The following EML1 variants were observed in gnomAD, a reference collection of about 807,000 sequenced individuals.
EML1 encodes echinoderm microtubule-associated protein-like 1.
A neutral mutation model predicts 110.4 loss-of-function variants in EML1; 27 were observed. The observed-to-expected ratio is 0.24, with a 90% CI of 0.18 to 0.34. The LOEUF (loss-of-function observed/expected upper bound fraction) is 0.34. Ranked by LOEUF, EML1 falls within the 10% of genes least tolerant of loss-of-function variation. The pLI is 1.00. For missense variants in EML1, 741 were observed against 1,030.9 expected, an observed-to-expected ratio of 0.72 and a Z score of 3.85; for synonymous variants, 344 against 385.8, an observed-to-expected ratio of 0.89 and a Z score of 1.27.
At chr14:99,745,230 T>A (rs8018045) in intron 1 of EML1, among the ~76,000 whole-genome samples, 11 of 152,150 alleles carry the variant, frequency 7.2e-5, no homozygotes, top group Admixed American at 2.6e-4. Flanking sequence ...CACACCTGGC[T>A]AATTTTTGTA....
At chr14:99,871,541 T>C (rs1199030551) in intron 3 of EML1, among the ~76,000 whole-genome samples, 4 of 151,700 alleles carry the variant, frequency 2.6e-5, no homozygotes, top group African/African-American at 7.3e-5. Context: ...AGAACATTTA[T>C]GATTCATGGG....
chr14:99,793,746 C>A (rs2057714881), intron 1 of EML1, among the ~76,000 whole-genome samples: 1 of 146,802 alleles, frequency 6.8e-6, no homozygotes, highest in Non-Finnish European at 1.5e-5. Context: ...CGCTCCGGGC[C>A]GCCCCGGGCT....
chr14:99,788,528 G>A (rs2057625176), upstream of EML1, among the ~76,000 whole-genome samples: 2 of 152,164 alleles, frequency 1.3e-5, no homozygotes, highest in South Asian at 4.1e-4. Flanking sequence ...AGGATCGTTT[G>A]AGCCCAGGAG....
At chr14:99,893,300 G>T (rs2059618747) in intron 5 of EML1, among the ~76,000 whole-genome samples, 1 of 152,146 alleles carries the variant, frequency 6.6e-6, no homozygotes, top group African/African-American at 2.4e-5. Flanking sequence ...GCAGCAGTGT[G>T]TAAACTGACC....
chr14:99,851,150 A>T, intron 2 of EML1, 115 bp downstream of exon 2: 1 of 1,153,696 alleles, frequency 8.7e-7, no homozygotes, highest in Non-Finnish European at 1.2e-6. Flanking sequence ...TTAGAATAAC[A>T]ATAAAACAGT....
At chr14:99,891,158 C>G (rs1566921348) in intron 4 of EML1, 41 bp from the exon 5 acceptor site, 1 of 1,613,770 alleles carries the variant, frequency 6.2e-7, no homozygotes, top group Non-Finnish European at 8.5e-7. Flanking sequence ...ATGAAACACC[C>G]ACAGCACCCT....
chr14:99,870,935 C>T lies in EML1; in HGVS notation c.383+5289C>T, dbSNP rs184304914. On this transcript the variant is annotated intron_variant, in intron 3 of 21. Coordinates refer to ENST00000262233, the MANE Select transcript of EML1 (RefSeq NM_004434.3). The stretch of plus-strand genomic sequence containing the variant: ...CCCTTGGATCAAGGAGTAATTTCAA[C>T]TGTCAAGTTTTATTATTTAGGAAAT... Among the ~76,000 whole-genome samples, 941 of 152,138 alleles carry T rather than the reference C, an allele frequency of 6.2e-3. 4 individuals carry two copies. Among genetic ancestry groups the T allele is most frequent in the African/African-American group, 0.021 (882 of 41,496 alleles).
chr14:99,865,430 T>C, intron 2 of EML1, 84 bp from the exon 3 acceptor site: 2 of 1,561,418 alleles, frequency 1.3e-6, no homozygotes, highest in Non-Finnish European at 1.7e-6. Flanking sequence ...CTCATCTTCC[T>C]AACAGGCAGT....
At position 99,878,545 on chromosome 14, in the gene EML1, T is replaced by C. The variant is rs757286397; in HGVS notation, c.444T>C (p.Asn148=). 3.1e-6 allele frequency: 5 copies of C among 1,614,010 alleles called. No homozygotes were observed. The Admixed American group carries it at 8.3e-5, about 27-fold the overall frequency. The change falls in exon 4 of 22, where the codon AAT becomes AAC. Residue 148 remains asparagine, a synonymous_variant. Coordinates refer to ENST00000262233, the MANE Select transcript of EML1 (RefSeq NM_004434.3). ...RVSPGGRRES[N]GDSRGNRNRT... ...CTCCTGGGGGTCGAAGGGAAAGCAA[T>C]GGGGATTCCAGAGGAAACCGGAATC... is the stretch of plus-strand genomic sequence containing the variant.
rs116242086 is a variant in EML1, at chr14:99,932,913, C to T, written c.1910-3116C>T. Reference sequence around the variant, plus strand: ...GATGTTTTGCTTGAGCACAGGAGTTCGAGACCAGCTTGGGCAACATAGTGA... The same window carrying T: ...GATGTTTTGCTTGAGCACAGGAGTTTGAGACCAGCTTGGGCAACATAGTGA... On this transcript the variant is annotated intron_variant, in intron 17 of 21. Coordinates refer to ENST00000262233, the MANE Select transcript of EML1 (RefSeq NM_004434.3). Among the ~76,000 whole-genome samples the T allele has an allele frequency of 5.3e-3, 811 of 151,990 alleles. 7 individuals carry two copies. The highest frequency in any genetic ancestry group is 0.019 in the African/African-American group (786 of 41,458).
rs554766857 is a variant in EML1, at chr14:99,846,260, T to G, written c.68-4593T>G. ...CTTGTTTCCTTTGCTTGGAATGCCA[T>G]TCTTATTTTTCCAGCTGGTGATTTT... On this transcript the variant is annotated intron_variant, in intron 1 of 21. Transcript: ENST00000262233. Among the ~76,000 whole-genome samples, 23 of 151,280 alleles carry G rather than the reference T, an allele frequency of 1.5e-4. No individual in the cohort carries two copies. The East Asian group carries it at 2.9e-3, about 19-fold the overall frequency.
chr14:99,936,429 A>G lies in EML1; in HGVS notation c.2095+95A>G. The G allele has an allele frequency of 8.9e-7, 1 of 1,129,374 alleles. No homozygotes were observed. Among genetic ancestry groups the G allele is most frequent in the East Asian group, 2.5e-5 (1 of 40,324 alleles). 70.0% of individuals were successfully genotyped at this position (1,129,374 alleles called of 1,614,324 possible). On this transcript the variant is annotated intron_variant, in intron 19 of 21. Transcript: ENST00000262233. The surrounding 1 kb of genome is among the most constrained non-coding windows in gnomAD (Gnocchi z 5.5). ...TCTGTGAGAACCCACCTCCTGTATG[A>G]CTTAGGCACGTGCCATCATCTCTAG... is the stretch of plus-strand genomic sequence containing the variant.
At chr14:99,917,910 C>T in intron 16 of EML1, 61 bp downstream of exon 16, 1 of 1,552,732 alleles carries the variant, frequency 6.4e-7, no homozygotes, top group Non-Finnish European at 8.9e-7. Context: ...CCTGTTGTTT[C>T]TATTTCCCCA....
chr14:99,791,916 T>C (rs1486485017), upstream of EML1, among the ~76,000 whole-genome samples: 2 of 152,254 alleles, frequency 1.3e-5, no homozygotes, highest in East Asian at 1.9e-4. Flanking sequence ...CCGTTCCTTC[T>C]TTCCTCACTA....
chr14:99,896,648 T>C (rs2059675493), intron 6 of EML1, among the ~76,000 whole-genome samples: 1 of 152,238 alleles, frequency 6.6e-6, no homozygotes, highest in South Asian at 2.1e-4. Flanking sequence ...GAAGTGATAT[T>C]TTGTTCTCAA....
At chr14:99,812,402 A>G (rs1043276732) in intron 1 of EML1, among the ~76,000 whole-genome samples, 7 of 151,850 alleles carry the variant, frequency 4.6e-5, no homozygotes, top group African/African-American at 1.4e-4. Flanking sequence ...ACCTAACTCT[A>G]AAAAGGTAGA....
chr14:99,927,509 G>A lies in EML1; in HGVS notation c.1909+6632G>A, dbSNP rs1157088469. Reference sequence around the variant, plus strand: ...TTTCTCACTTTTTGTGACATTAGTAGCTGTTGTTACCCAGTGCCTAGATCC... The same window carrying A: ...TTTCTCACTTTTTGTGACATTAGTAACTGTTGTTACCCAGTGCCTAGATCC... On this transcript the variant is annotated intron_variant, in intron 17 of 21. Transcript: ENST00000262233. 6.6e-5 allele frequency among the ~76,000 whole-genome samples: 10 copies of A among 152,116 alleles called. No homozygotes were observed. The East Asian group carries it at 1.4e-3, about 21-fold the overall frequency.
At chr14:99,923,639 C>CGTTGAATTATCAATGACACTTTTGT in intron 17 of EML1, among the ~76,000 whole-genome samples, 4 of 65,312 alleles carry the variant, frequency 6.1e-5, no homozygotes, top group African/African-American at 2.1e-4. Context: ...CTCAGTTCTG[C>CGTTGAATTATCAATGACACTTTTGT]CCCCTTCACC....
At chr14:99,821,463 A>G (rs1380093559) in intron 1 of EML1, among the ~76,000 whole-genome samples, 1 of 152,182 alleles carries the variant, frequency 6.6e-6, no homozygotes, top group African/African-American at 2.4e-5. Context: ...GACCAGCCCG[A>G]GCAACATAGC....
Sources: allele counts gnomAD v4.1 joint callset (sites outside exome capture counted in the v4.1 genomes callset), GRCh38; gene constraint gnomAD v4.1.1; non-coding constraint Gnocchi (gnomAD v3.1); transcripts MANE v1.5; gene names NCBI Gene and HGNC (gene_info 2026-07-23, HGNC 2026-07-21).